Variants in ADARB2 observed in about 807,000 individuals in gnomAD.
The protein encoded by ADARB2 is inactive double-stranded RNA-specific editase B2.
Under a neutral mutation model 62.2 loss-of-function variants are expected in ADARB2, and 25 were observed. That is an observed-to-expected ratio of 0.40 (90% CI 0.29 to 0.56). The LOEUF (loss-of-function observed/expected upper bound fraction) is 0.56. Among genes scored for constraint, ADARB2 ranks in the 20% least tolerant of loss-of-function variants. The pLI is 0.43. For synonymous variants in ADARB2, 572 were observed against 500.8 expected, an observed-to-expected ratio of 1.14 and a Z score of -1.90; for missense variants, 1,071 against 1,077.4, an observed-to-expected ratio of 0.99 and a Z score of 0.08.
chr10:1,214,461 G>A (rs1188700746), intron 7 of ADARB2, among the ~76,000 whole-genome samples: 1 of 139,000 alleles, frequency 7.2e-6, no homozygotes, highest in Non-Finnish European at 1.6e-5. Context: ...ACCCAGCGTT[G>A]CGTGGGTTTG....
chr10:1,518,225 T>C (rs1588285093), intron 1 of ADARB2, among the ~76,000 whole-genome samples: 1 of 152,158 alleles, frequency 6.6e-6, no homozygotes, highest in South Asian at 2.1e-4. Context: ...GCCCTCTAAG[T>C]AGAAGCAGTG....
At chr10:1,318,770 CTG>C (rs1831766186) in intron 3 of ADARB2, among the ~76,000 whole-genome samples, 1 of 152,196 alleles carries the variant, frequency 6.6e-6, no homozygotes. Flanking sequence ...TCTCTCGTTA[CTG>C]TGTTGGCCAC....
intron 1 of ADARB2, among the ~76,000 whole-genome samples, chr10:1,554,548 G>C (rs113633965): frequency 4.6e-5 from 7 of 151,790 alleles, no homozygotes; most frequent in Admixed American, 3.3e-4. Context: ...TTCTTCCCCC[G>C]GGGGAGGTGA....
rs1335621944 is a variant in ADARB2 at position 1,179,623 on chromosome 10, T to C, written c.*3570A>G. On this transcript the variant is annotated 3_prime_UTR_variant, in exon 10 of 10. Transcript: ENST00000381312. ...ACTAAGAACCAGGCCGGAAACCACA[T>C]TGCTGATCTTCCTGATGGGAAAGCA... 6.6e-6 allele frequency: 1 copy of C among 152,214 alleles called. No individual in the cohort carries two copies. Among genetic ancestry groups the C allele is most frequent in the Non-Finnish European group, 1.5e-5 (1 of 68,034 alleles). The allele number at this position is 152,214 out of a possible 1,614,324, so 9.4% of individuals were successfully genotyped here. A position where few individuals can be genotyped will look rare whatever the true frequency, so the allele number is the denominator to read the frequency against.
At chr10:1,286,172 G>A (rs1172019289) in intron 3 of ADARB2, among the ~76,000 whole-genome samples, 2 of 152,176 alleles carry the variant, frequency 1.3e-5, no homozygotes, top group East Asian at 3.9e-4. Flanking sequence ...AGTCCACATG[G>A]AGGTGGGACA....
chr10:1,219,295 ATGGTAACTAATGCTTGGGTTTAT>A (rs1024408969), intron 6 of ADARB2, among the ~76,000 whole-genome samples: 2 of 152,244 alleles, frequency 1.3e-5, no homozygotes, highest in African/African-American at 4.8e-5. Flanking sequence ...ACAGTGCTGA[ATGGTAACTAATGCTTGGGTTTAT>A]ATAGGAACTT....
chr10:1,394,857 G>A (rs749359021), intron 1 of ADARB2: 10 of 457,020 alleles, frequency 2.2e-5, no homozygotes, highest in East Asian at 6.9e-5. Context: ...ACCAGGACTC[G>A]CTGTGCACAG....
chr10:1,586,667 C>A (rs1230321263), intron 1 of ADARB2, among the ~76,000 whole-genome samples: 1 of 152,164 alleles, frequency 6.6e-6, no homozygotes, highest in Non-Finnish European at 1.5e-5. Flanking sequence ...GCCCAGAAAA[C>A]AAGGAAAACC....
intron 1 of ADARB2, among the ~76,000 whole-genome samples, chr10:1,568,394 T>A (rs1187640336): frequency 1.3e-5 from 2 of 152,216 alleles, no homozygotes; most frequent in Non-Finnish European, 2.9e-5. Flanking sequence ...ACGGTCCAGC[T>A]GCGGGGCCGT....
intron 1 of ADARB2, among the ~76,000 whole-genome samples, chr10:1,425,044 G>A (rs1176438910): frequency 6.6e-6 from 1 of 152,226 alleles, no homozygotes; most frequent in African/African-American, 2.4e-5. Context: ...CGCACGTCCT[G>A]GGGTGCGTGC....
chr10:1,585,476 T>G (rs974388806), intron 1 of ADARB2, among the ~76,000 whole-genome samples: 1 of 152,178 alleles, frequency 6.6e-6, no homozygotes, highest in African/African-American at 2.4e-5. Flanking sequence ...GTCATCCCCC[T>G]GTGCACCTGA....
At chr10:1,257,993 T>A (rs574299393) in intron 4 of ADARB2, among the ~76,000 whole-genome samples, 9 of 152,308 alleles carry the variant, frequency 5.9e-5, no homozygotes, top group African/African-American at 2.2e-4. Context: ...CTTTAGAATA[T>A]CTTTATTATA....
At chr10:1,651,042 G>A (rs1276913834) in intron 1 of ADARB2, among the ~76,000 whole-genome samples, 4 of 152,168 alleles carry the variant, frequency 2.6e-5, no homozygotes, top group African/African-American at 9.7e-5. Context: ...AACACACAAC[G>A]CTTCAGATGT....
intron 3 of ADARB2, among the ~76,000 whole-genome samples, chr10:1,321,549 A>C (rs1831795273): frequency 6.6e-6 from 1 of 151,726 alleles, no homozygotes; most frequent in African/African-American, 2.4e-5. Context: ...CCCTGCTAAT[A>C]TTTTCAAATT....
At chr10:1,371,591 A>G (rs559164616) in intron 2 of ADARB2, among the ~76,000 whole-genome samples, 57 of 152,310 alleles carry the variant, frequency 3.7e-4, no homozygotes, top group African/African-American at 1.3e-3. Context: ...ATGGAATTCA[A>G]ATAACTTAGC....
At chr10:1,289,998 C>T (rs1831450696) in intron 3 of ADARB2, 1 of 152,232 alleles carries the variant, frequency 6.6e-6, no homozygotes, top group South Asian at 2.1e-4. Context: ...GGGTTACAGA[C>T]ATTGAGGCAT....
At chr10:1,696,286 G>A (rs1226114249) in intron 1 of ADARB2, among the ~76,000 whole-genome samples, 6 of 151,896 alleles carry the variant, frequency 4.0e-5, no homozygotes, top group Non-Finnish European at 7.4e-5. Flanking sequence ...GTGTATGCAC[G>A]TGTGTTGTGC....
chr10:1,327,676 T>C (rs1831882590), intron 3 of ADARB2, among the ~76,000 whole-genome samples: 1 of 79,218 alleles, frequency 1.3e-5, no homozygotes, highest in African/African-American at 5.0e-5. Flanking sequence ...GCACAGCGCC[T>C]CCTCACTGCA....
intron 3 of ADARB2, among the ~76,000 whole-genome samples, chr10:1,320,781 A>AG (rs1379241906): frequency 6.6e-6 from 1 of 152,214 alleles, no homozygotes; most frequent in Non-Finnish European, 1.5e-5. Flanking sequence ...TAATTCCTTA[A>AG]GAAAAAAATA....
Sources: allele counts gnomAD v4.1 joint callset (sites outside exome capture counted in the v4.1 genomes callset), GRCh38; gene constraint gnomAD v4.1.1; transcripts MANE v1.5; gene names NCBI Gene and HGNC (gene_info 2026-07-23, HGNC 2026-07-21).